KIAA1958: variants seen among roughly 807,000 people sequenced by gnomAD.
KIAA1958 encodes the protein uncharacterized protein KIAA1958.
A neutral mutation model predicts 47.2 loss-of-function variants in KIAA1958; 14 were observed. The observed-to-expected ratio is 0.30, with a 90% CI of 0.20 to 0.46. KIAA1958 has a LOEUF of 0.46. KIAA1958 is among the 20% of genes least tolerant of loss of function. The pLI, the probability that KIAA1958 is intolerant of heterozygous loss-of-function variation, is 1.00. For missense variants in KIAA1958, 803 were observed against 909.2 expected (o/e 0.88, Z 1.50); for synonymous variants, 354 against 353.3 (o/e 1.00, Z -0.02).
At chr9:112,568,154 G>T (rs140256669) in intron 1 of KIAA1958, among the ~76,000 whole-genome samples, 48 of 152,134 alleles carry the variant, frequency 3.2e-4, no homozygotes, top group African/African-American at 1.1e-3. Flanking sequence ...GAAACACTCA[G>T]GTATACTAAT....
rs1209758582 is a variant in KIAA1958 at position 112,618,945 on chromosome 9, G to A, written c.1172-26705G>A. The A allele has an allele frequency of 2.0e-6, 3 of 1,498,470 alleles. No individual in the cohort carries two copies. Among genetic ancestry groups the A allele is most frequent in the East Asian group, 2.5e-5 (1 of 40,196 alleles). The allele number at this position is 1,498,470 out of a possible 1,614,324, so 92.8% of individuals were successfully genotyped here. ...GGTGGCTTGAGCAAGACTCCAGTTTGGTTACTGTGTCCGGAGAAACTGTGA... is the reference window on the plus strand; with the variant it reads ...GGTGGCTTGAGCAAGACTCCAGTTTAGTTACTGTGTCCGGAGAAACTGTGA... On this transcript the variant is annotated intron_variant, in intron 2 of 3. Coordinates refer to ENST00000337530, the MANE Select transcript of KIAA1958 (RefSeq NM_133465.4). The surrounding 1 kb of genome is among the most constrained non-coding windows in gnomAD (Gnocchi z 7.1).
intron 1 of KIAA1958, among the ~76,000 whole-genome samples, chr9:112,527,195 T>A (rs547513266): frequency 6.6e-6 from 1 of 152,338 alleles, no homozygotes; most frequent in South Asian, 2.1e-4. Context: ...AAGAATCAAC[T>A]GTGCATACAG....
chr9:112,544,207 T>G (rs1348465063), intron 1 of KIAA1958, among the ~76,000 whole-genome samples: 1 of 152,240 alleles, frequency 6.6e-6, no homozygotes, highest in Non-Finnish European at 1.5e-5. Flanking sequence ...AAATGTTTAG[T>G]GATTTGAAAA....
rs1171538047 is a variant in KIAA1958, at chr9:112,664,563, A to G, written c.*4494A>G. On this transcript the variant is annotated 3_prime_UTR_variant, in exon 4 of 4. Transcript: ENST00000337530. ...TTAAAAGCTGGTAACAGCTCTGAAC[A>G]GAAGTATGTATTAAATGTTTCAAAC... 6.6e-6 allele frequency: 1 copy of G among 152,256 alleles called. No individual in the cohort carries two copies. The highest frequency in any genetic ancestry group is 1.5e-5 in the Non-Finnish European group (1 of 68,054). 9.4% of individuals were successfully genotyped at this position (152,256 alleles called of 1,614,324 possible). A position where few individuals can be genotyped will look rare whatever the true frequency, so the allele number is the denominator to read the frequency against.
intron 1 of KIAA1958, among the ~76,000 whole-genome samples, chr9:112,525,924 CTTCT>C (rs1834631237): frequency 6.1e-4 from 1 of 1,628 alleles, no homozygotes; most frequent in Non-Finnish European, 8.6e-4. Context: ...ATTCTTTCTT[CTTCT>C]TCTTCTTCTT....
chr9:112,543,512 A>G (rs1394902531), intron 1 of KIAA1958, among the ~76,000 whole-genome samples: 4 of 150,538 alleles, frequency 2.7e-5, no homozygotes, highest in African/African-American at 9.8e-5. Flanking sequence ...AGGAATTTGT[A>G]AAATGCTTAA....
intron 2 of KIAA1958, among the ~76,000 whole-genome samples, chr9:112,596,359 A>G (rs985690506): frequency 2.0e-5 from 3 of 152,088 alleles, no homozygotes; most frequent in Admixed American, 1.3e-4. Flanking sequence ...AGTCTCTAGG[A>G]TATATTATTA....
chr9:112,494,635 T>G (rs1834022176), intron 1 of KIAA1958, among the ~76,000 whole-genome samples: 1 of 151,932 alleles, frequency 6.6e-6, no homozygotes, highest in South Asian at 2.1e-4. Flanking sequence ...GCCCTACTAA[T>G]TTTTGTGTTT....
At chr9:112,567,255 T>TC (rs1185949456) in intron 1 of KIAA1958, among the ~76,000 whole-genome samples, 1 of 152,056 alleles carries the variant, frequency 6.6e-6, no homozygotes, top group Non-Finnish European at 1.5e-5. Flanking sequence ...AAGAAAAAAC[T>TC]CCAACAACAG....
chr9:112,512,465 A>C (rs1834339220), intron 1 of KIAA1958, among the ~76,000 whole-genome samples: 1 of 152,242 alleles, frequency 6.6e-6, no homozygotes, highest in African/African-American at 2.4e-5. Context: ...TGATTAAAAA[A>C]AAAACTCTTA....
intron 1 of KIAA1958, among the ~76,000 whole-genome samples, chr9:112,570,845 G>T (rs1385996945): frequency 6.6e-6 from 1 of 152,194 alleles, no homozygotes; most frequent in Non-Finnish European, 1.5e-5. Flanking sequence ...CTGGTATAGT[G>T]GTTCAGTCCA....
intron 1 of KIAA1958, among the ~76,000 whole-genome samples, chr9:112,547,034 GC>G (rs1835048926): frequency 2.1e-3 from 1 of 468 alleles, no homozygotes. Context: ...CTGGGTTCAA[GC>G]GATTCTCCTG....
Position 112,618,238 on chromosome 9 carries a change from G to A in KIAA1958, c.1172-27412G>A. Reference sequence around the variant, plus strand: ...TCCGCTGTAAAGGAAAAGGAAATAAGCCACACAAGTCCATGAAGCTCACCT... The same window carrying A: ...TCCGCTGTAAAGGAAAAGGAAATAAACCACACAAGTCCATGAAGCTCACCT... On this transcript the variant is annotated intron_variant, in intron 2 of 3. Transcript: ENST00000337530. This position sits in a 1 kb window ranked among gnomAD's most constrained non-coding sequence, Gnocchi z 7.1. 1.3e-6 allele frequency: 2 copies of A among 1,550,706 alleles called. No homozygotes were observed. The highest frequency in any genetic ancestry group is 8.7e-7 in the Non-Finnish European group (1 of 1,147,018).
At chr9:112,487,588 C>G (rs945165373) in intron 1 of KIAA1958, among the ~76,000 whole-genome samples, 1 of 152,258 alleles carries the variant, frequency 6.6e-6, no homozygotes, top group South Asian at 2.1e-4. Flanking sequence ...GGGCTCTGCC[C>G]CACTAGTTTT....
At chr9:112,598,132 C>T (rs910676426) in intron 2 of KIAA1958, among the ~76,000 whole-genome samples, 2 of 151,966 alleles carry the variant, frequency 1.3e-5, no homozygotes, top group Non-Finnish European at 2.9e-5. Flanking sequence ...AAGGAAGTGA[C>T]ATTTGACCTG....
chr9:112,599,818 A>T (rs992430926), intron 2 of KIAA1958, among the ~76,000 whole-genome samples: 3 of 152,220 alleles, frequency 2.0e-5, no homozygotes, highest in African/African-American at 7.2e-5. Flanking sequence ...TATGTATTAT[A>T]CCAGCAGCAG....
chr9:112,531,978 G>A (rs993665228), intron 1 of KIAA1958, among the ~76,000 whole-genome samples: 1 of 152,232 alleles, frequency 6.6e-6, no homozygotes, highest in African/African-American at 2.4e-5. Flanking sequence ...TGGGGTTGCT[G>A]TCAGACCTCA....
chr9:112,639,749 G>A (rs2131238006), intron 2 of KIAA1958, among the ~76,000 whole-genome samples: 1 of 152,236 alleles, frequency 6.6e-6, no homozygotes, highest in East Asian at 1.9e-4. Context: ...ATTCTCCTAT[G>A]CAGATGCCCT....
In KIAA1958 at chr9:112,546,855, C is replaced by A. The variant is rs1010489345; in HGVS notation, c.-24-27202C>A. On this transcript the variant is annotated intron_variant, in intron 1 of 3. Transcript: ENST00000337530. ...TTTCTCTAGGAAGCACTCCTTGACTCGTTGGGAACTAGGTTAGCTACTGCC... is the reference window on the plus strand; with the variant it reads ...TTTCTCTAGGAAGCACTCCTTGACTAGTTGGGAACTAGGTTAGCTACTGCC... Among the ~76,000 whole-genome samples, 4 of 152,204 alleles carry A rather than the reference C, an allele frequency of 2.6e-5. No individual in the cohort carries two copies. The South Asian group carries it at 8.3e-4, about 32-fold the overall frequency.
Sources: allele counts gnomAD v4.1 joint callset (sites outside exome capture counted in the v4.1 genomes callset), GRCh38; gene constraint gnomAD v4.1.1; non-coding constraint Gnocchi (gnomAD v3.1); transcripts MANE v1.5; gene names NCBI Gene and HGNC (gene_info 2026-07-23, HGNC 2026-07-21).